The following ERC1 variants were observed in gnomAD, a reference collection of about 807,000 sequenced individuals.
ERC1 encodes ELKS/RAB6-interacting/CAST family member 1.
ERC1 carries 56 observed loss-of-function variants against 132.0 expected under a neutral mutation model. The observed-to-expected ratio is 0.42, with a 90% CI of 0.34 to 0.53. ERC1 has a LOEUF of 0.53. Ranked by LOEUF, ERC1 falls within the 20% of genes least tolerant of loss-of-function variation. The probability of loss-of-function intolerance (pLI) is 0.03; values close to 1 mark genes in which losing one functional copy is unlikely to be tolerated. For synonymous variants in ERC1, 478 were observed against 476.1 expected, an observed-to-expected ratio of 1.00 and a Z score of -0.05; for missense variants, 1,202 against 1,349.9, an observed-to-expected ratio of 0.89 and a Z score of 1.72.
At chr12:1,316,707 A>G (rs982267555) in intron 15 of ERC1, among the ~76,000 whole-genome samples, 9 of 152,224 alleles carry the variant, frequency 5.9e-5, no homozygotes, top group Admixed American at 3.3e-4. Context: ...CAGAAATACC[A>G]TTTGACCCAG....
chr12:1,049,706 A>G (rs1971599581), intron 2 of ERC1, among the ~76,000 whole-genome samples: 1 of 151,986 alleles, frequency 6.6e-6, no homozygotes, highest in Admixed American at 6.6e-5. Context: ...TGAAAGGACA[A>G]ATGACAAGTA....
chr12:1,402,645 A>AC (rs1566780524), intron 16 of ERC1, among the ~76,000 whole-genome samples: 3 of 151,696 alleles, frequency 2.0e-5, no homozygotes, highest in Non-Finnish European at 2.9e-5. Flanking sequence ...ACACACACAC[A>AC]AAAGAACAAA....
intron 12 of ERC1, among the ~76,000 whole-genome samples, chr12:1,201,607 GT>G (rs532489949): frequency 8.4e-4 from 128 of 152,232 alleles, no homozygotes; most frequent in Non-Finnish European, 1.3e-4. Flanking sequence ...ATTACTTTAT[GT>G]TAGTATCCCA....
chr12:1,478,654 G>A (rs554531064), intron 18 of ERC1, among the ~76,000 whole-genome samples: 3 of 152,232 alleles, frequency 2.0e-5, no homozygotes, highest in East Asian at 1.9e-4. Flanking sequence ...CTAGCCGGGC[G>A]TGGTGGCGAG....
intron 15 of ERC1, among the ~76,000 whole-genome samples, chr12:1,354,381 G>T (rs1202192345): frequency 1.2e-4 from 18 of 151,932 alleles, no homozygotes; most frequent in Non-Finnish European, 4.4e-5. Flanking sequence ...AAACCAGCTG[G>T]GCATGGTGGC....
intron 15 of ERC1, among the ~76,000 whole-genome samples, chr12:1,357,203 A>T (rs1201717303): frequency 6.6e-6 from 1 of 152,206 alleles, no homozygotes; most frequent in Non-Finnish European, 1.5e-5. Flanking sequence ...TTATGAGATC[A>T]AGACACAGTT....
rs1161365566 is a variant in ERC1 at position 1,189,976 on chromosome 12, G to A, written c.2275G>A (p.Asp759Asn). The change falls in exon 12 of 19, where the codon GAT becomes AAT. Residue 759 changes from aspartate to asparagine, a missense_variant. By Grantham distance (23) the Asp-to-Asn change is conservative. Coordinates refer to ENST00000360905, the MANE Select transcript of ERC1 (RefSeq NM_178040.4). ...DESSKAQAEV[D>N]RLLEILKEVE... ...ATCTAGCAAGGCCCAGGCAGAAGTT[G>A]ATCGACTCTTAGAAATCTTGAAGGA... The A allele has an allele frequency of 3.1e-6, 5 of 1,614,114 alleles. No individual in the cohort carries two copies. The East Asian group carries it at 1.1e-4, about 36-fold the overall frequency.
intron 8 of ERC1, among the ~76,000 whole-genome samples, chr12:1,175,414 T>C (rs1696551625): frequency 6.6e-6 from 1 of 152,074 alleles, no homozygotes; most frequent in Non-Finnish European, 1.5e-5. Flanking sequence ...ACATATTTTG[T>C]TGTCATTTCA....
chr12:996,246 T>C (rs1315501817), intron 1 of ERC1, among the ~76,000 whole-genome samples: 2 of 128,892 alleles, frequency 1.6e-5, no homozygotes, highest in Non-Finnish European at 1.6e-5. Flanking sequence ...CCACCATGCC[T>C]GGCTTTTTTT....
chr12:1,005,311 C>A (rs929163287), intron 1 of ERC1, among the ~76,000 whole-genome samples: 2 of 151,728 alleles, frequency 1.3e-5, no homozygotes, highest in African/African-American at 2.4e-5. Flanking sequence ...CCACCACACC[C>A]AGCTAATTTT....
intron 7 of ERC1, among the ~76,000 whole-genome samples, chr12:1,130,743 AT>A (rs11366347): frequency 0.88 from 132,947 of 151,554 alleles, 58,954 homozygotes; most frequent in East Asian, 1. Flanking sequence ...ACAGAGCACA[AT>A]TGCAGTTTGT....
chr12:1,340,693 G>C (rs2083752074), intron 15 of ERC1, among the ~76,000 whole-genome samples: 1 of 152,130 alleles, frequency 6.6e-6, no homozygotes, highest in Admixed American at 6.5e-5. Flanking sequence ...CTGAAGGTCT[G>C]TTGTGCCAGT....
rs200567678 is a variant in ERC1 at position 1,278,035 on chromosome 12, A to AT, written c.2620-11816dup. On this transcript the variant is annotated intron_variant, in intron 14 of 18. Coordinates refer to ENST00000360905, the MANE Select transcript of ERC1 (RefSeq NM_178040.4). ...CTTTGTTATGGTGGCTGGTTATGAA[A>AT]TCAGTCACTTGACAGACCCTGAAGT... Among the ~76,000 whole-genome samples the AT allele has an allele frequency of 7.5e-3, 1,150 of 152,318 alleles. 4 individuals carry two copies. Among genetic ancestry groups the AT allele is most frequent in the Non-Finnish European group, 0.012 (831 of 68,026 alleles).
intron 16 of ERC1, among the ~76,000 whole-genome samples, chr12:1,387,493 A>G (rs2089505060): frequency 6.6e-6 from 1 of 152,226 alleles, no homozygotes. Flanking sequence ...GTCTTTGCAG[A>G]TGGGATTAAA....
intron 12 of ERC1, among the ~76,000 whole-genome samples, chr12:1,213,113 T>C (rs1484009653): frequency 6.6e-6 from 1 of 152,204 alleles, no homozygotes; most frequent in Non-Finnish European, 1.5e-5. Flanking sequence ...ACCTGTAACC[T>C]AGCATTTAGT....
intron 18 of ERC1, among the ~76,000 whole-genome samples, chr12:1,471,292 G>A (rs1367352641): frequency 6.6e-6 from 1 of 152,178 alleles, no homozygotes; most frequent in Non-Finnish European, 1.5e-5. Context: ...TTTCAGGAAA[G>A]AGGATAATCT....
chr12:1,150,923 C>G (rs959681866), intron 8 of ERC1, among the ~76,000 whole-genome samples: 3 of 152,098 alleles, frequency 2.0e-5, no homozygotes, highest in Non-Finnish European at 4.4e-5. Context: ...TAAGGAAATG[C>G]GAATAAAGCA....
intron 17 of ERC1, among the ~76,000 whole-genome samples, chr12:1,438,290 G>T (rs942141415): frequency 1.3e-5 from 2 of 152,120 alleles, no homozygotes; most frequent in African/African-American, 4.8e-5. Flanking sequence ...TTATTTTCTC[G>T]CATCTTTTAC....
At chr12:1,093,957 C>CTATATAAATATATATATA (rs1943619215) in intron 3 of ERC1, among the ~76,000 whole-genome samples, 2 of 68,910 alleles carry the variant, frequency 2.9e-5, no homozygotes, top group East Asian at 6.3e-4. Flanking sequence ...ATATATTTTT[C>CTATATAAATATATATATA]TATATATATA....
Sources: allele counts gnomAD v4.1 joint callset (sites outside exome capture counted in the v4.1 genomes callset), GRCh38; gene constraint gnomAD v4.1.1; transcripts MANE v1.5; gene names NCBI Gene and HGNC (gene_info 2026-07-23, HGNC 2026-07-21).